The following DLG2 variants were observed in gnomAD, a reference collection of about 807,000 sequenced individuals.
DLG2 encodes the protein disks large homolog 2.
Under a neutral mutation model 132.5 loss-of-function variants are expected in DLG2, and 45 were observed. The observed-to-expected ratio is 0.34, with a 90% CI of 0.27 to 0.44. The LOEUF is 0.44. Among genes scored for constraint, DLG2 ranks in the 20% least tolerant of loss-of-function variants. DLG2 has a pLI of 1.00. For synonymous variants in DLG2, 424 were observed against 419.6 expected (o/e 1.01, Z -0.13); for missense variants, 1,045 against 1,196.9 (o/e 0.87, Z 1.87).
At chr11:84,346,211 A>G (rs568114108) in intron 7 of DLG2, among the ~76,000 whole-genome samples, 5 of 152,218 alleles carry the variant, frequency 3.3e-5, no homozygotes, top group Non-Finnish European at 5.9e-5. Context: ...GATACTCTCA[A>G]ATGGATCTGA....
rs2089176506 is a variant in DLG2, at chr11:83,457,348, G to A, written c.*2470C>T. ...GTGCAAGACAACACAACAAATGGAG[G>A]TGTAAATTCTATTGGAAAAGACCCT... On this transcript the variant is annotated 3_prime_UTR_variant, in exon 28 of 28. Transcript: ENST00000376104. The A allele has an allele frequency of 6.6e-6, 1 of 152,552 alleles. No homozygotes were observed. The highest frequency in any genetic ancestry group is 2.4e-5 in the African/African-American group (1 of 41,402). 9.4% of individuals were successfully genotyped at this position (152,552 alleles called of 1,614,324 possible).
chr11:83,937,511 A>C (rs2081758765), intron 14 of DLG2, among the ~76,000 whole-genome samples: 1 of 142,404 alleles, frequency 7.0e-6, no homozygotes, highest in Non-Finnish European at 1.5e-5. Context: ...CCATCTCAAA[A>C]AAAAAAAAAA....
intron 3 of DLG2, among the ~76,000 whole-genome samples, chr11:85,598,018 T>A (rs1417681848): frequency 6.7e-6 from 1 of 149,690 alleles, no homozygotes; most frequent in East Asian, 1.9e-4. Flanking sequence ...TAAAAAAAAA[T>A]ATATAAATAA....
intron 7 of DLG2, among the ~76,000 whole-genome samples, chr11:84,470,566 T>C (rs1266171106): frequency 2.6e-5 from 4 of 151,634 alleles, no homozygotes; most frequent in Non-Finnish European, 4.4e-5. Context: ...TGAGTAAAAG[T>C]TGGAAAGCAA....
At chr11:84,441,904 G>T (rs775650758) in intron 7 of DLG2, among the ~76,000 whole-genome samples, 2 of 152,090 alleles carry the variant, frequency 1.3e-5, no homozygotes, top group Non-Finnish European at 2.9e-5. Context: ...TTTTTGTCAG[G>T]TTTGTCAAAG....
At chr11:84,486,537 T>C (rs1241978896) in intron 7 of DLG2, among the ~76,000 whole-genome samples, 1 of 152,136 alleles carries the variant, frequency 6.6e-6, no homozygotes, top group Non-Finnish European at 1.5e-5. Flanking sequence ...ATTATTTACA[T>C]GTTTATGCGA....
chr11:85,462,095 A>T (rs7939972), intron 3 of DLG2, among the ~76,000 whole-genome samples: 3,388 of 152,314 alleles, frequency 0.022, 123 homozygotes, highest in African/African-American at 0.076. Flanking sequence ...TCAAAACCAC[A>T]ATGAGATATC....
intron 6 of DLG2, among the ~76,000 whole-genome samples, chr11:84,653,571 C>A (rs542144999): frequency 2.0e-5 from 3 of 152,240 alleles, no homozygotes; most frequent in East Asian, 1.9e-4. Context: ...TACATGGTCA[C>A]CTTGAACTGC....
intron 6 of DLG2, among the ~76,000 whole-genome samples, chr11:84,759,223 A>G (rs900248231): frequency 6.6e-6 from 1 of 152,190 alleles, no homozygotes; most frequent in African/African-American, 2.4e-5. Flanking sequence ...ACTAGATGCC[A>G]GTCTAACACC....
intron 18 of DLG2, among the ~76,000 whole-genome samples, chr11:83,671,103 TCTTC>T (rs1190361878): frequency 6.6e-6 from 1 of 152,234 alleles, no homozygotes; most frequent in East Asian, 1.9e-4. Flanking sequence ...TTCCTTTATA[TCTTC>T]CTTATCACTA....
chr11:84,709,058 A>C (rs1037989241), intron 6 of DLG2, among the ~76,000 whole-genome samples: 12 of 152,052 alleles, frequency 7.9e-5, no homozygotes, highest in Admixed American at 5.9e-4. Flanking sequence ...GCTCACATGG[A>C]AGCTGCTGTG....
At chr11:84,367,394 A>T (rs1347127964) in intron 7 of DLG2, among the ~76,000 whole-genome samples, 2 of 152,122 alleles carry the variant, frequency 1.3e-5, no homozygotes, top group Non-Finnish European at 2.9e-5. Context: ...TTATTTACAA[A>T]AACCAGCACT....
chr11:84,951,263 C>G (rs951795216), intron 6 of DLG2, among the ~76,000 whole-genome samples: 15 of 152,136 alleles, frequency 9.9e-5, no homozygotes, highest in Non-Finnish European at 1.9e-4. Context: ...TTACAAGCAT[C>G]CTATATGGCA....
chr11:85,501,530 G>T (rs1194121569), intron 3 of DLG2, among the ~76,000 whole-genome samples: 3 of 151,850 alleles, frequency 2.0e-5, no homozygotes, highest in East Asian at 3.9e-4. Flanking sequence ...TCTGACAAAG[G>T]GCTAATACCC....
chr11:83,898,842 C>T (rs1433912609), intron 15 of DLG2, among the ~76,000 whole-genome samples: 2 of 152,156 alleles, frequency 1.3e-5, no homozygotes, highest in Admixed American at 1.3e-4. Flanking sequence ...CATCAAACTG[C>T]ACTTATCTAC....
intron 6 of DLG2, among the ~76,000 whole-genome samples, chr11:84,580,508 C>T (rs1295440530): frequency 6.6e-6 from 1 of 152,188 alleles, no homozygotes; most frequent in Non-Finnish European, 1.5e-5. Context: ...AAGCAGTTCA[C>T]AGGCTCTGTG....
intron 17 of DLG2, chr11:83,790,301 C>T: frequency 1.1e-6 from 1 of 924,960 alleles, no homozygotes. Flanking sequence ...AACTGTTTTA[C>T]CATGGGAGCG....
intron 26 of DLG2, among the ~76,000 whole-genome samples, chr11:83,462,721 G>GAT (rs996336396): frequency 4.5e-4 from 69 of 152,056 alleles, no homozygotes; most frequent in African/African-American, 1.6e-3. Context: ...TTCTGGTGAT[G>GAT]GATATTCCAG....
chr11:84,207,079 C>CTATATATATA (rs553787844), intron 8 of DLG2, among the ~76,000 whole-genome samples: 6 of 99,412 alleles, frequency 6.0e-5, no homozygotes, highest in African/African-American at 1.8e-4. Context: ...CTCTCTCTCT[C>CTATATATATA]TCTATATATA....
Sources: gnomAD v4.1 joint callset for allele counts (sites outside exome capture counted in the v4.1 genomes callset) on GRCh38, gnomAD v4.1.1 for gene constraint, MANE v1.5 for transcripts, NCBI Gene and HGNC (gene_info 2026-07-23, HGNC 2026-07-21) for gene names.